PLPP4: variants seen among roughly 807,000 people sequenced by gnomAD.
PLPP4 encodes diacylglycerol pyrophosphate like 2.
A neutral mutation model predicts 32.2 loss-of-function variants in PLPP4; 20 were observed. The ratio of observed to expected loss-of-function variants is 0.62; its 90% CI spans 0.44 to 0.90. PLPP4 has a LOEUF of 0.90. Among genes scored for constraint, PLPP4 ranks in the 40% least tolerant of loss-of-function variants. PLPP4 has a pLI of 0.00. For missense variants in PLPP4, 257 were observed against 353.1 expected (o/e 0.73, Z 2.18); for synonymous variants, 127 against 133.0 (o/e 0.95, Z 0.31).
At chr10:120,573,055 G>A (rs1276930829) in intron 5 of PLPP4, among the ~76,000 whole-genome samples, 1 of 152,098 alleles carries the variant, frequency 6.6e-6, no homozygotes, top group Non-Finnish European at 1.5e-5. Context: ...AAGTTCAACG[G>A]GGAGGAGAAA....
At chr10:120,586,834 A>T (rs534009387) in intron 6 of PLPP4, among the ~76,000 whole-genome samples, 11 of 152,078 alleles carry the variant, frequency 7.2e-5, no homozygotes, top group African/African-American at 2.7e-4. Context: ...GGGACTATTA[A>T]CATGTGTAAC....
intron 2 of PLPP4, among the ~76,000 whole-genome samples, chr10:120,513,401 A>G (rs1392003249): frequency 6.6e-6 from 1 of 152,190 alleles, no homozygotes; most frequent in Non-Finnish European, 1.5e-5. Flanking sequence ...AGGAAAGGGT[A>G]TAGAGGAAGG....
chr10:120,457,450 C>G (rs1847838753), intron 1 of PLPP4, 89 bp downstream of exon 1: 2 of 1,228,682 alleles, frequency 1.6e-6, no homozygotes, highest in Non-Finnish European at 2.2e-6. Flanking sequence ...TTTGCGCAGC[C>G]GCTTCCCACT....
chr10:120,549,887 G>A (rs1391620914), intron 5 of PLPP4, among the ~76,000 whole-genome samples: 1 of 152,002 alleles, frequency 6.6e-6, no homozygotes, highest in Non-Finnish European at 1.5e-5. Context: ...TTCATACTTA[G>A]TGGTGAAAGA....
chr10:120,573,950 G>A (rs971716317), intron 5 of PLPP4, among the ~76,000 whole-genome samples: 5 of 152,018 alleles, frequency 3.3e-5, no homozygotes, highest in South Asian at 2.1e-4. Flanking sequence ...TATAATACTC[G>A]TTTTGCCAAG....
At chr10:120,481,824 G>T (rs1844220243) in intron 1 of PLPP4, among the ~76,000 whole-genome samples, 1 of 152,198 alleles carries the variant, frequency 6.6e-6, no homozygotes, top group Non-Finnish European at 1.5e-5. Flanking sequence ...ATTCCCATGT[G>T]TTGTGGGAGA....
intron 1 of PLPP4, among the ~76,000 whole-genome samples, chr10:120,496,888 GGAGA>G (rs372700642): frequency 0.017 from 2,444 of 145,366 alleles, 67 homozygotes; most frequent in African/African-American, 0.058. Flanking sequence ...AAAGGAATAG[GGAGA>G]GAGAGAGAGA....
rs1845450082 is a variant in PLPP4 at position 120,505,462 on chromosome 10, G to A, written c.165+1536G>A. ...TCCTGTTGACCTGCCATGGTGTCTT[G>A]TGCCTCTCTGGGAACTGCTCCAGAA... On this transcript the variant is annotated intron_variant, in intron 2 of 6. Coordinates refer to ENST00000398250, the MANE Select transcript of PLPP4 (RefSeq NM_001030059.3). Among the ~76,000 whole-genome samples the A allele has an allele frequency of 3.3e-5, 5 of 152,178 alleles. No homozygotes were observed. In the South Asian group the frequency reaches 1.0e-3, roughly 32 times the overall value.
chr10:120,513,738 G>A (rs1845820401), intron 2 of PLPP4, among the ~76,000 whole-genome samples, 173 bp from the exon 3 acceptor site: 1 of 149,906 alleles, frequency 6.7e-6, no homozygotes, highest in African/African-American at 2.5e-5. Flanking sequence ...AGTCTGTGTA[G>A]TCTCTAAACA....
chr10:120,523,627 T>C (rs1846264154), intron 5 of PLPP4, among the ~76,000 whole-genome samples: 1 of 152,172 alleles, frequency 6.6e-6, no homozygotes, highest in Non-Finnish European at 1.5e-5. Context: ...TTAGATTTTT[T>C]CTCCCTTTGT....
At chr10:120,498,101 G>T (rs996470589) in intron 1 of PLPP4, among the ~76,000 whole-genome samples, 2 of 151,940 alleles carry the variant, frequency 1.3e-5, no homozygotes, top group Non-Finnish European at 2.9e-5. Context: ...AGTATGTCTT[G>T]GATTAAAATC....
Position 120,521,050 on chromosome 10 carries a change from C to G in PLPP4, c.400C>G (p.Leu134Val). The G allele has an allele frequency of 6.2e-7, 1 of 1,614,148 alleles. No homozygotes were observed. Among genetic ancestry groups the G allele is most frequent in the Non-Finnish European group, 8.5e-7 (1 of 1,180,016 alleles). Reference sequence around the variant, plus strand: ...AATGCATTGCACAGGTGACCCCGATCTGGTGTCCGAGGGCCGCAAAAGCTT... The same window carrying G: ...AATGCATTGCACAGGTGACCCCGATGTGGTGTCCGAGGGCCGCAAAAGCTT... ...SEMHCTGDPD[L>V]VSEGRKSFPS... The change falls in exon 5 of 7, where the codon CTG becomes GTG. Residue 134 changes from leucine (L) to valine (V), a missense_variant. Coordinates refer to ENST00000398250, the MANE Select transcript of PLPP4 (RefSeq NM_001030059.3).
chr10:120,568,763 T>A (rs2134033689), intron 5 of PLPP4, among the ~76,000 whole-genome samples: 1 of 152,340 alleles, frequency 6.6e-6, no homozygotes, highest in Admixed American at 6.5e-5. Flanking sequence ...GGAAAAGTTA[T>A]CCTGGGGATT....
chr10:120,575,001 A>T, intron 5 of PLPP4, 130 bp from the exon 6 acceptor site: 2 of 846,880 alleles, frequency 2.4e-6, no homozygotes, highest in Non-Finnish European at 3.8e-6. Flanking sequence ...CAGATTGCCT[A>T]GATAGTGCCT....
At chr10:120,507,529 A>G (rs1309532061) in intron 2 of PLPP4, among the ~76,000 whole-genome samples, 1 of 152,192 alleles carries the variant, frequency 6.6e-6, no homozygotes, top group African/African-American at 2.4e-5. Context: ...GAGAAAACAA[A>G]ACTGAGGAAA....
At chr10:120,553,911 G>T (rs1289715718) in intron 5 of PLPP4, among the ~76,000 whole-genome samples, 1 of 152,144 alleles carries the variant, frequency 6.6e-6, no homozygotes, top group Admixed American at 6.5e-5. Context: ...TGCCATGAAG[G>T]TCTCTAAAAT....
intron 6 of PLPP4, among the ~76,000 whole-genome samples, chr10:120,579,207 A>G (rs1387720403): frequency 6.6e-6 from 1 of 152,146 alleles, no homozygotes; most frequent in African/African-American, 2.4e-5. Context: ...AACATTTTAA[A>G]CACTTGTTCC....
chr10:120,569,311 A>C (rs576266362), intron 5 of PLPP4, among the ~76,000 whole-genome samples: 69 of 151,778 alleles, frequency 4.5e-4, no homozygotes, highest in African/African-American at 1.5e-3. Context: ...TCCCAGGATC[A>C]GTGCCTCCAG....
intron 1 of PLPP4, among the ~76,000 whole-genome samples, chr10:120,503,219 C>A (rs576710887): frequency 2.3e-4 from 35 of 152,352 alleles, no homozygotes; most frequent in African/African-American, 8.2e-4. Flanking sequence ...GACTTGGCTT[C>A]TTTTGCCCTC....
Sources: allele counts gnomAD v4.1 joint callset (sites outside exome capture counted in the v4.1 genomes callset), GRCh38; gene constraint gnomAD v4.1.1; transcripts MANE v1.5; gene names NCBI Gene and HGNC (gene_info 2026-07-23, HGNC 2026-07-21).